The following SMYD3 variants were observed in gnomAD, a reference collection of about 807,000 sequenced individuals.
SMYD3 encodes the protein histone-lysine N-methyltransferase SMYD3.
SMYD3 carries 36 observed loss-of-function variants against 57.7 expected under a neutral mutation model. That is an observed-to-expected ratio of 0.62 (90% CI 0.48 to 0.82). The LOEUF (loss-of-function observed/expected upper bound fraction) is 0.82. Ranked by LOEUF, SMYD3 falls within the 40% of genes least tolerant of loss-of-function variation. SMYD3 has a pLI of 0.00. For synonymous variants in SMYD3, 211 were observed against 195.0 expected, an observed-to-expected ratio of 1.08 and a Z score of -0.68; for missense variants, 515 against 538.8, an observed-to-expected ratio of 0.96 and a Z score of 0.44.
At chr1:246,133,537 T>G (rs1156778910) in intron 5 of SMYD3, among the ~76,000 whole-genome samples, 1 of 152,138 alleles carries the variant, frequency 6.6e-6, no homozygotes, top group Non-Finnish European at 1.5e-5. Flanking sequence ...TAGTTAAGAA[T>G]GTACAGGAAA....
At chr1:245,944,710 C>T (rs996959964) in intron 5 of SMYD3, among the ~76,000 whole-genome samples, 9 of 152,004 alleles carry the variant, frequency 5.9e-5, no homozygotes, top group Non-Finnish European at 8.8e-5. Context: ...AGAACAAAGC[C>T]GGAGGCATCA....
At chr1:245,842,218 A>C (rs1203488118) in intron 10 of SMYD3, among the ~76,000 whole-genome samples, 1 of 152,238 alleles carries the variant, frequency 6.6e-6, no homozygotes, top group Non-Finnish European at 1.5e-5. Context: ...TATTCAGAAA[A>C]GCATCTTTCA....
At chr1:246,049,220 T>C (rs12751188) in intron 5 of SMYD3, among the ~76,000 whole-genome samples, 11,489 of 152,188 alleles carry the variant, frequency 0.075, 509 homozygotes, top group African/African-American at 0.11. Flanking sequence ...CTTCTTAGAC[T>C]CTGCAAGGGG....
At chr1:246,160,886 G>A (rs1050699293) in intron 5 of SMYD3, among the ~76,000 whole-genome samples, 3 of 152,196 alleles carry the variant, frequency 2.0e-5, no homozygotes, top group African/African-American at 7.2e-5. Flanking sequence ...GATGGTGAAT[G>A]TAAAAGAACC....
Position 246,213,143 on chromosome 1 carries a change from A to G in SMYD3, c.531+114058T>C, listed in dbSNP as rs575090239. 4.9e-4 allele frequency among the ~76,000 whole-genome samples: 74 copies of G among 152,298 alleles called. 1 individual carries two copies. The highest frequency in any genetic ancestry group is 1.8e-3 in the African/African-American group (74 of 41,530). ...TGTCAAGGGAAATTAGTATTCTTTCAACCTTCCTCAATCTCATATGATGTC... is the reference window on the plus strand; with the variant it reads ...TGTCAAGGGAAATTAGTATTCTTTCGACCTTCCTCAATCTCATATGATGTC... On this transcript the variant is annotated intron_variant, in intron 5 of 11. Coordinates refer to ENST00000490107, the MANE Select transcript of SMYD3 (RefSeq NM_001167740.2).
intron 10 of SMYD3, among the ~76,000 whole-genome samples, chr1:245,789,219 G>A (rs1178988414): frequency 6.6e-6 from 1 of 152,172 alleles, no homozygotes; most frequent in Non-Finnish European, 1.5e-5. Context: ...TATGATGTAA[G>A]TCCTTTCAGA....
chr1:246,449,182 T>C (rs2067595706), intron 1 of SMYD3, among the ~76,000 whole-genome samples: 1 of 152,062 alleles, frequency 6.6e-6, no homozygotes, highest in Admixed American at 6.6e-5. Context: ...CAATGAGCCA[T>C]GATCACGCCC....
rs1012008485 is a variant in SMYD3, at chr1:246,108,636, A to G, written c.532-178699T>C. ...TCATTCTATTCACCACTTAGTTACT[A>G]GAATGTTTTTCTCAACTATGAATCT... On this transcript the variant is annotated intron_variant, in intron 5 of 11. Transcript: ENST00000490107. 42 of 152,320 alleles carry G rather than the reference A, an allele frequency of 2.8e-4. 1 individual carries two copies. Among genetic ancestry groups the G allele is most frequent in the African/African-American group, 1.0e-3 (42 of 41,548 alleles). The allele number at this position is 152,320 out of a possible 1,614,324, so 9.4% of individuals were successfully genotyped here. A position where few individuals can be genotyped will look rare whatever the true frequency, so the allele number is the denominator to read the frequency against.
intron 1 of SMYD3, among the ~76,000 whole-genome samples, chr1:246,433,600 G>T (rs1398220533): frequency 1.3e-5 from 2 of 152,160 alleles, no homozygotes; most frequent in Non-Finnish European, 2.9e-5. Context: ...GGCAGAGATG[G>T]CAGTAAGCCA....
chr1:245,891,864 G>A (rs555594504), intron 8 of SMYD3, among the ~76,000 whole-genome samples: 1 of 152,250 alleles, frequency 6.6e-6, no homozygotes, highest in South Asian at 2.1e-4. Context: ...GCAATACAGT[G>A]AGACTCCATC....
At chr1:246,335,505 T>C in intron 2 of SMYD3, 31 bp from the exon 3 acceptor site, 2 of 1,578,644 alleles carry the variant, frequency 1.3e-6, no homozygotes, top group East Asian at 2.2e-5. Flanking sequence ...AGAACATAGG[T>C]GACCTAAAAT....
intron 10 of SMYD3, among the ~76,000 whole-genome samples, chr1:245,766,062 G>C (rs2046079590): frequency 6.6e-6 from 1 of 152,054 alleles, no homozygotes. Flanking sequence ...AGCAGTACCT[G>C]GGAGGAAAGT....
At chr1:246,020,373 A>G (rs1387121674) in intron 5 of SMYD3, among the ~76,000 whole-genome samples, 1 of 152,220 alleles carries the variant, frequency 6.6e-6, no homozygotes, top group East Asian at 1.9e-4. Context: ...CTAATGAGCT[A>G]TGGGAAATTA....
At chr1:246,309,588 C>T (rs1213334497) in intron 5 of SMYD3, among the ~76,000 whole-genome samples, 6 of 152,106 alleles carry the variant, frequency 3.9e-5, no homozygotes, top group Non-Finnish European at 7.4e-5. Flanking sequence ...CTGAAGTTAC[C>T]GGGCTTTGAA....
intron 6 of SMYD3, among the ~76,000 whole-genome samples, chr1:245,929,151 C>T (rs941882059): frequency 2.6e-5 from 4 of 152,184 alleles, no homozygotes; most frequent in South Asian, 2.1e-4. Context: ...GTGGCCTGAA[C>T]GCAGAGCCCA....
intron 1 of SMYD3, among the ~76,000 whole-genome samples, chr1:246,361,869 C>A (rs559998594): frequency 6.6e-6 from 1 of 152,150 alleles, no homozygotes; most frequent in East Asian, 1.9e-4. Context: ...GATGGATACA[C>A]CAAAATCTCA....
At chr1:246,259,961 T>G (rs1472350858) in intron 5 of SMYD3, among the ~76,000 whole-genome samples, 1 of 152,150 alleles carries the variant, frequency 6.6e-6, no homozygotes, top group South Asian at 2.1e-4. Flanking sequence ...TCTGCCTAGG[T>G]GTGTAGTATA....
chr1:245,948,110 C>G (rs745828996), intron 5 of SMYD3, among the ~76,000 whole-genome samples: 1 of 152,150 alleles, frequency 6.6e-6, no homozygotes, highest in African/African-American at 2.4e-5. Flanking sequence ...TCACCACCCT[C>G]GGGTGCTGTC....
intron 9 of SMYD3, among the ~76,000 whole-genome samples, chr1:245,860,947 G>A (rs954008929): frequency 6.6e-6 from 1 of 152,188 alleles, no homozygotes; most frequent in Non-Finnish European, 1.5e-5. Flanking sequence ...ATTTATGTAT[G>A]TTCCCACTTA....
Sources: allele counts gnomAD v4.1 joint callset (sites outside exome capture counted in the v4.1 genomes callset), GRCh38; gene constraint gnomAD v4.1.1; transcripts MANE v1.5; gene names NCBI Gene and HGNC (gene_info 2026-07-23, HGNC 2026-07-21).